Variants in RNF152 observed in about 807,000 individuals in gnomAD.
The protein encoded by RNF152 is E3 ubiquitin-protein ligase RNF152.
A neutral mutation model predicts 12.7 loss-of-function variants in RNF152; 11 were observed. The ratio of observed to expected loss-of-function variants is 0.86; its 90% CI spans 0.54 to 1.43. The LOEUF is 1.43. Ranked by LOEUF, RNF152 falls within the 40% of genes most tolerant of loss-of-function variation. The pLI is 0.00. For synonymous variants in RNF152, 113 were observed against 120.3 expected (o/e 0.94, Z 0.40); for missense variants, 255 against 274.8 (o/e 0.93, Z 0.51).
chr18:61,863,397 C>T (rs1413908115), intron 1 of RNF152, among the ~76,000 whole-genome samples: 3 of 148,972 alleles, frequency 2.0e-5, no homozygotes, highest in Admixed American at 1.3e-4. Flanking sequence ...ATCGTGCCAC[C>T]GCACTCCAGC....
rs115864975 is a variant in RNF152, at chr18:61,836,029, A to C, written c.-135-19431T>G. Among the ~76,000 whole-genome samples the C allele has an allele frequency of 2.1e-3, 319 of 152,338 alleles. 1 individual carries two copies. Among genetic ancestry groups the C allele is most frequent in the African/African-American group, 7.5e-3 (310 of 41,578 alleles). On this transcript the variant is annotated intron_variant, in intron 1 of 1. Coordinates refer to ENST00000312828, the MANE Select transcript of RNF152 (RefSeq NM_173557.3). Reference sequence around the variant, plus strand: ...GATTACACCCATGATTTAAAATAATACATAAATTTCTAAGCCTTGTCAACT... The same window carrying C: ...GATTACACCCATGATTTAAAATAATCCATAAATTTCTAAGCCTTGTCAACT...
rs761168934 is a variant in RNF152, at chr18:61,816,334, T to G, written c.130A>C (p.Thr44Pro). 1 of 1,614,176 alleles carries G rather than the reference T, an allele frequency of 6.2e-7. No individual in the cohort carries two copies. Among genetic ancestry groups the G allele is most frequent in the Non-Finnish European group, 8.5e-7 (1 of 1,180,024 alleles). The change falls in exon 2 of 2, where the codon ACC (threonine) becomes CCC (proline). Residue 44 changes from threonine to proline, a missense_variant. Coordinates refer to ENST00000312828, the MANE Select transcript of RNF152 (RefSeq NM_173557.3). ...GGGCACCGCACATCCTTCTGGCTGG[T>G]CCTCATCTGCTGCAGGCACACTGAA... ...CCSVCLQQMR[T>P]SQKDVRCPWC...
intron 1 of RNF152, among the ~76,000 whole-genome samples, chr18:61,842,606 T>C (rs1910503540): frequency 6.6e-6 from 1 of 152,220 alleles, no homozygotes; most frequent in Non-Finnish European, 1.5e-5. Context: ...AGTTTCTGTC[T>C]CTTCCTGTGT....
intron 1 of RNF152, among the ~76,000 whole-genome samples, chr18:61,859,149 G>A (rs1041042213): frequency 2.0e-5 from 3 of 152,058 alleles, no homozygotes; most frequent in African/African-American, 4.8e-5. Flanking sequence ...GTTCCACCTC[G>A]CAGACTGGGA....
chr18:61,811,652 A>C lies in RNF152; in HGVS notation c.*4200T>G, dbSNP rs1471362542. ...AACAAAACCAGTCTGAACACTGCAA[A>C]ACATGCTTGCTCTTATATTTGCACC... On this transcript the variant is annotated 3_prime_UTR_variant, in exon 2 of 2. Transcript: ENST00000312828. 3 of 152,238 alleles carry C rather than the reference A, an allele frequency of 2.0e-5. No homozygotes were observed. Among genetic ancestry groups the C allele is most frequent in the Non-Finnish European group, 4.4e-5 (3 of 68,046 alleles). 9.4% of individuals were successfully genotyped at this position (152,238 alleles called of 1,614,324 possible).
At chr18:61,893,114 C>T (rs193099914), upstream of RNF152, 1 of 152,366 alleles carries the variant, frequency 6.6e-6, no homozygotes, top group African/African-American at 2.4e-5. Context: ...CACCTCCCCC[C>T]TCCTCCGCAG....
chr18:61,871,573 G>T (rs1911998936), intron 1 of RNF152, among the ~76,000 whole-genome samples: 1 of 152,190 alleles, frequency 6.6e-6, no homozygotes, highest in Non-Finnish European at 1.5e-5. Flanking sequence ...CAAAATTCAT[G>T]CTGTTTTCAC....
chr18:61,825,762 C>A (rs1026143632), intron 1 of RNF152, among the ~76,000 whole-genome samples: 1 of 152,122 alleles, frequency 6.6e-6, no homozygotes, highest in Non-Finnish European at 1.5e-5. Flanking sequence ...AGTGCCCCTA[C>A]TCTTCATGTC....
chr18:61,865,190 T>C (rs984152441), intron 1 of RNF152, among the ~76,000 whole-genome samples: 1 of 152,194 alleles, frequency 6.6e-6, no homozygotes, highest in African/African-American at 2.4e-5. Flanking sequence ...TGCAGCCAAA[T>C]TGTCCGGCAC....
At chr18:61,818,239 A>G (rs1041662452) in intron 1 of RNF152, among the ~76,000 whole-genome samples, 9 of 152,174 alleles carry the variant, frequency 5.9e-5, no homozygotes, top group Admixed American at 3.3e-4. Context: ...CCTGGGCAAC[A>G]TGGTGAAACC....
In RNF152 at chr18:61,816,584, C is replaced by G. The variant is rs538244837; in HGVS notation, c.-121G>C. On this transcript the variant is annotated 5_prime_UTR_variant, in exon 2 of 2. Transcript: ENST00000312828. The stretch of plus-strand genomic sequence containing the variant: ...CAAGCTCACAGGCATCCAGTACTCA[C>G]AGGTGTGTTCATTTCTGAGAGAGAC... 6.0e-6 allele frequency: 6 copies of G among 995,750 alleles called. No homozygotes were observed. In the African/African-American group the frequency reaches 6.5e-5, roughly 11 times the overall value. The allele number at this position is 995,750 out of a possible 1,614,324, so 61.7% of individuals were successfully genotyped here.
intron 1 of RNF152, among the ~76,000 whole-genome samples, chr18:61,832,319 C>A (rs1909987258): frequency 6.6e-6 from 1 of 152,062 alleles, no homozygotes; most frequent in Non-Finnish European, 1.5e-5. Context: ...TTTAAGCGCA[C>A]ATGTATATAT....
rs1555705460 is a variant in RNF152, at chr18:61,866,455, C to CA, written c.-136+26339_-136+26340insT. On this transcript the variant is annotated intron_variant, in intron 1 of 1. Coordinates refer to ENST00000312828, the MANE Select transcript of RNF152 (RefSeq NM_173557.3). ...AGGACAAGATTCACATCCACACTCT[C>CA]GCCCGCGTTTCTGTGCTTTGAGCCA... 1.2e-3 allele frequency among the ~76,000 whole-genome samples: 182 copies of CA among 152,266 alleles called. 1 individual carries two copies. Among genetic ancestry groups the CA allele is most frequent in the Admixed American group, 4.1e-3 (63 of 15,308 alleles).
intron 1 of RNF152, among the ~76,000 whole-genome samples, chr18:61,849,517 C>T: frequency 2.6e-5 from 4 of 152,298 alleles, no homozygotes; most frequent in Admixed American, 2.6e-4. Context: ...AAGTAACCTG[C>T]CCAAAGTGGC....
chr18:61,815,773 C>G lies in RNF152; in HGVS notation c.*79G>C, dbSNP rs1443679856. 3 of 1,504,396 alleles carry G rather than the reference C, an allele frequency of 2.0e-6. No homozygotes were observed. Among genetic ancestry groups the G allele is most frequent in the Admixed American group, 1.8e-5 (1 of 56,934 alleles). The allele number at this position is 1,504,396 out of a possible 1,614,324, so 93.2% of individuals were successfully genotyped here. On this transcript the variant is annotated 3_prime_UTR_variant, in exon 2 of 2. Transcript: ENST00000312828. ...GCACCAAATGGTCAGTGTTGCCCCC[C>G]ATCTTCTCACTGGGATCTCATCATC...
At chr18:61,858,064 CCTT>C (rs1330305851) in intron 1 of RNF152, among the ~76,000 whole-genome samples, 1 of 152,204 alleles carries the variant, frequency 6.6e-6, no homozygotes. Flanking sequence ...AATTGTCTGT[CCTT>C]CTGAAATCTC....
chr18:61,877,143 C>T (rs2144749055), intron 1 of RNF152, among the ~76,000 whole-genome samples: 1 of 152,338 alleles, frequency 6.6e-6, no homozygotes, highest in South Asian at 2.1e-4. Flanking sequence ...CATTGTCTCC[C>T]ACAAACAACT....
chr18:61,873,070 G>A (rs543787933), intron 1 of RNF152, among the ~76,000 whole-genome samples: 18 of 152,178 alleles, frequency 1.2e-4, no homozygotes, highest in Middle Eastern at 3.4e-3. Flanking sequence ...GTTCTGTCCC[G>A]GTTCTGCCAC....
At chr18:61,854,528 C>T (rs1228270632) in intron 1 of RNF152, among the ~76,000 whole-genome samples, 1 of 152,158 alleles carries the variant, frequency 6.6e-6, no homozygotes, top group Non-Finnish European at 1.5e-5. Flanking sequence ...TAGTTTCTTC[C>T]CCTCTTCCTC....
Sources: allele counts gnomAD v4.1 joint callset (sites outside exome capture counted in the v4.1 genomes callset), GRCh38; gene constraint gnomAD v4.1.1; transcripts MANE v1.5; gene names NCBI Gene and HGNC (gene_info 2026-07-23, HGNC 2026-07-21).